The following CREB5 variants were observed in gnomAD, a reference collection of about 807,000 sequenced individuals.
CREB5 encodes cyclic AMP-responsive element-binding protein 5.
Under a neutral mutation model 57.1 loss-of-function variants are expected in CREB5, and 19 were observed. The ratio of observed to expected loss-of-function variants is 0.33; its 90% CI spans 0.23 to 0.49. The LOEUF is 0.49. Ranked by LOEUF, CREB5 falls within the 20% of genes least tolerant of loss-of-function variation. The probability of loss-of-function intolerance (pLI) is 0.99; values close to 1 mark genes in which losing one functional copy is unlikely to be tolerated. For synonymous variants in CREB5, 238 were observed against 238.3 expected (o/e 1.00, Z 0.01); for missense variants, 579 against 671.6 (o/e 0.86, Z 1.52).
chr7:28,654,640 G>A (rs1562551965), intron 5 of CREB5, among the ~76,000 whole-genome samples: 1 of 152,142 alleles, frequency 6.6e-6, no homozygotes, highest in Non-Finnish European at 1.5e-5. Context: ...CTAGTGATGA[G>A]ATTGCAAATG....
chr7:28,509,512 A>G (rs1792614457), intron 4 of CREB5, among the ~76,000 whole-genome samples: 1 of 152,224 alleles, frequency 6.6e-6, no homozygotes, highest in Non-Finnish European at 1.5e-5. Context: ...CTAAACTTTG[A>G]AAACCTTTTC....
intron 5 of CREB5, among the ~76,000 whole-genome samples, chr7:28,686,799 C>T (rs1800956635): frequency 6.6e-6 from 1 of 152,198 alleles, no homozygotes; most frequent in Non-Finnish European, 1.5e-5. Context: ...TAATTATTCA[C>T]AGACGCTCCT....
At chr7:28,515,819 C>A (rs750505830) in intron 4 of CREB5, among the ~76,000 whole-genome samples, 19 of 151,788 alleles carry the variant, frequency 1.3e-4, no homozygotes, top group Non-Finnish European at 2.6e-4. Flanking sequence ...TAAAGAGATA[C>A]CTAGTAATAA....
At chr7:28,478,673 T>C (rs73684380) in intron 1 of CREB5, among the ~76,000 whole-genome samples, 25,708 of 152,190 alleles carry the variant, frequency 0.17, 2,264 homozygotes, top group South Asian at 0.27. Context: ...TGGTAAGGCA[T>C]TGGAGTAGGA....
chr7:28,599,754 G>GTTTTGTTTTGTTTTGTTTTGT (rs3041154), intron 5 of CREB5, among the ~76,000 whole-genome samples: 9 of 148,910 alleles, frequency 6.0e-5, no homozygotes, highest in African/African-American at 2.0e-4. Context: ...GTTTTGTTTT[G>GTTTTGTTTTGTTTTGTTTTGT]TTTTTTTATT....
chr7:28,489,880 A>T (rs1426983281), intron 2 of CREB5, among the ~76,000 whole-genome samples: 4 of 152,212 alleles, frequency 2.6e-5, no homozygotes, highest in Non-Finnish European at 1.5e-5. Flanking sequence ...ACAGAGTGAT[A>T]AGTAACTGGT....
At chr7:28,447,822 T>C (rs75801013) in intron 1 of CREB5, among the ~76,000 whole-genome samples, 2,618 of 152,246 alleles carry the variant, frequency 0.017, 75 homozygotes, top group African/African-American at 0.06. Flanking sequence ...TTCTTCCCAT[T>C]GGCTTTTTCT....
At chr7:28,544,426 T>C (rs1280435219) in intron 4 of CREB5, among the ~76,000 whole-genome samples, 1 of 152,216 alleles carries the variant, frequency 6.6e-6, no homozygotes, top group Non-Finnish European at 1.5e-5. Context: ...CTCTTTTTAA[T>C]ATAATAACAG....
intron 7 of CREB5, among the ~76,000 whole-genome samples, chr7:28,741,402 G>A (rs978761532): frequency 2.0e-5 from 3 of 151,910 alleles, no homozygotes; most frequent in Middle Eastern, 3.2e-3. Context: ...CATCCCTGAG[G>A]ACAACACTTT....
chr7:28,489,632 T>C (rs560958723), intron 2 of CREB5, among the ~76,000 whole-genome samples: 1 of 152,104 alleles, frequency 6.6e-6, no homozygotes, highest in Non-Finnish European at 1.5e-5. Flanking sequence ...CTAGAGAGTT[T>C]ATGGAGGATT....
At chr7:28,638,066 T>C (rs1005649866) in intron 5 of CREB5, among the ~76,000 whole-genome samples, 2 of 152,128 alleles carry the variant, frequency 1.3e-5, no homozygotes, top group African/African-American at 4.8e-5. Context: ...AAATATTGAT[T>C]TATGATTTTT....
intron 5 of CREB5, among the ~76,000 whole-genome samples, chr7:28,713,250 A>T (rs772863784): frequency 1.8e-4 from 27 of 152,258 alleles, no homozygotes; most frequent in Middle Eastern, 3.4e-3. Context: ...CATGTTGCTC[A>T]GGGTGGTTTC....
At chr7:28,593,289 C>T (rs1358695550) in intron 5 of CREB5, among the ~76,000 whole-genome samples, 1 of 152,152 alleles carries the variant, frequency 6.6e-6, no homozygotes, top group Non-Finnish European at 1.5e-5. Context: ...TGCTCTGTTG[C>T]TCAGGACGGA....
At chr7:28,768,386 T>G (rs1806122428) in intron 7 of CREB5, among the ~76,000 whole-genome samples, 1 of 152,152 alleles carries the variant, frequency 6.6e-6, no homozygotes, top group Non-Finnish European at 1.5e-5. Flanking sequence ...GTTTTCTTTC[T>G]CAAATGGGTA....
intron 5 of CREB5, among the ~76,000 whole-genome samples, chr7:28,694,466 G>T (rs946688990): frequency 1.3e-5 from 2 of 152,076 alleles, no homozygotes; most frequent in African/African-American, 4.8e-5. Flanking sequence ...CCTGTGACGT[G>T]TACAGGTCAC....
chr7:28,776,317 G>A (rs1238336690), intron 7 of CREB5, among the ~76,000 whole-genome samples: 3 of 138,246 alleles, frequency 2.2e-5, no homozygotes, highest in South Asian at 2.4e-4. Flanking sequence ...CCGCCTGGGC[G>A]ACAGAGCGAG....
At chr7:28,436,243 C>G (rs1788956732) in intron 1 of CREB5, among the ~76,000 whole-genome samples, 1 of 152,078 alleles carries the variant, frequency 6.6e-6, no homozygotes, top group Non-Finnish European at 1.5e-5. Flanking sequence ...CTGCAGAGGT[C>G]TTAGTAGCCT....
At chr7:28,710,989 G>C (rs1802372721) in intron 5 of CREB5, among the ~76,000 whole-genome samples, 1 of 152,168 alleles carries the variant, frequency 6.6e-6, no homozygotes, top group Non-Finnish European at 1.5e-5. Context: ...TTTGTGGCAG[G>C]AAGACAGATG....
chr7:28,324,894 T>C (rs1365221815), intron 1 of CREB5, among the ~76,000 whole-genome samples: 1 of 152,252 alleles, frequency 6.6e-6, no homozygotes, highest in Admixed American at 6.5e-5. Context: ...GTCATCCACT[T>C]AGCTACTGAA....
Sources: allele counts gnomAD v4.1 joint callset (sites outside exome capture counted in the v4.1 genomes callset), GRCh38; gene constraint gnomAD v4.1.1; transcripts MANE v1.5; gene names NCBI Gene and HGNC (gene_info 2026-07-23, HGNC 2026-07-21).